The following UNC5D variants were observed in gnomAD, a reference collection of about 807,000 sequenced individuals.
UNC5D encodes the protein unc-5 netrin receptor D, also known as netrin receptor UNC5D.
A neutral mutation model predicts 105.4 loss-of-function variants in UNC5D; 39 were observed. The ratio of observed to expected loss-of-function variants is 0.37; its 90% CI spans 0.29 to 0.48. The LOEUF is 0.48. UNC5D is among the 20% of genes least tolerant of loss of function. UNC5D has a pLI of 0.98. For missense variants in UNC5D, 991 were observed against 1,202.4 expected, an observed-to-expected ratio of 0.82 and a Z score of 2.60; for synonymous variants, 452 against 450.4, an observed-to-expected ratio of 1.00 and a Z score of -0.04.
chr8:35,792,098 C>T lies in UNC5D; in HGVS notation c.*1535C>T, dbSNP rs1219310175. The T allele has an allele frequency of 1.3e-5, 2 of 152,016 alleles. No individual in the cohort carries two copies. The highest frequency in any genetic ancestry group is 6.8e-3 in the Middle Eastern group (2 of 294). The allele number at this position is 152,016 out of a possible 1,614,324, so 9.4% of individuals were successfully genotyped here. On this transcript the variant is annotated 3_prime_UTR_variant, in exon 17 of 17. Coordinates refer to ENST00000404895, the MANE Select transcript of UNC5D (RefSeq NM_080872.4). ...CAGCTACTTAGAGGTTGGTTACATTCGAATAAAAAGTAGTCAGGGAATGGG... is the reference window on the plus strand; with the variant it reads ...CAGCTACTTAGAGGTTGGTTACATTTGAATAAAAAGTAGTCAGGGAATGGG...
At chr8:35,244,069 C>T (rs960969324) in intron 1 of UNC5D, among the ~76,000 whole-genome samples, 1 of 152,124 alleles carries the variant, frequency 6.6e-6, no homozygotes, top group African/African-American at 2.4e-5. Flanking sequence ...TCCTATTATG[C>T]GTGGCTGTTT....
At chr8:35,320,596 G>T (rs1809665975) in intron 1 of UNC5D, among the ~76,000 whole-genome samples, 1 of 152,072 alleles carries the variant, frequency 6.6e-6, no homozygotes, top group South Asian at 2.1e-4. Context: ...ATTTCCTTCA[G>T]GGCCTGCTGT....
At chr8:35,678,839 C>A (rs550997632) in intron 4 of UNC5D, among the ~76,000 whole-genome samples, 1 of 151,670 alleles carries the variant, frequency 6.6e-6, no homozygotes, top group Admixed American at 6.6e-5. Flanking sequence ...TTTTCTCTTT[C>A]TTTCTCTCTT....
chr8:35,421,101 C>T (rs1805870583), intron 1 of UNC5D, among the ~76,000 whole-genome samples: 1 of 152,174 alleles, frequency 6.6e-6, no homozygotes, highest in Admixed American at 6.5e-5. Context: ...ACTACCTCTT[C>T]TGTGCCCATA....
At chr8:35,650,403 C>A (rs1042401945) in intron 4 of UNC5D, among the ~76,000 whole-genome samples, 5 of 152,278 alleles carry the variant, frequency 3.3e-5, no homozygotes, top group Middle Eastern at 3.4e-3. Flanking sequence ...TATTTTACTC[C>A]TCCTTAATGA....
intron 3 of UNC5D, among the ~76,000 whole-genome samples, chr8:35,572,593 TCAGATTGAGACTG>T (rs1285066010): frequency 6.6e-6 from 1 of 152,138 alleles, no homozygotes; most frequent in Non-Finnish European, 1.5e-5. Flanking sequence ...CCCCAGGCTT[TCAGATTGAGACTG>T]GAGAAAGGAC....
chr8:35,433,803 T>C (rs969073186), intron 1 of UNC5D, among the ~76,000 whole-genome samples: 1 of 149,334 alleles, frequency 6.7e-6, no homozygotes, highest in African/African-American at 2.5e-5. Flanking sequence ...GAGCCGAGAT[T>C]GCACCATTGC....
At chr8:35,781,349 A>T (rs1243465146) in intron 16 of UNC5D, among the ~76,000 whole-genome samples, 6 of 152,142 alleles carry the variant, frequency 3.9e-5, no homozygotes, top group African/African-American at 7.2e-5. Flanking sequence ...TAAGCTTTTT[A>T]TGTTCCTCCA....
chr8:35,383,314 T>TA lies in UNC5D; in HGVS notation c.103+147435dup, dbSNP rs907854813. ...CCCATCACAGACAAATATTCTAGTA[T>TA]AAAAAAAATCCTCATCAAGAGGAAA... On this transcript the variant is annotated intron_variant, in intron 1 of 16. Coordinates refer to ENST00000404895, the MANE Select transcript of UNC5D (RefSeq NM_080872.4). 4.6e-5 allele frequency among the ~76,000 whole-genome samples: 7 copies of TA among 151,954 alleles called. 1 individual carries two copies. Among genetic ancestry groups the TA allele is most frequent in the South Asian group, 4.2e-4 (2 of 4,808 alleles).
intron 4 of UNC5D, among the ~76,000 whole-genome samples, chr8:35,611,342 G>T (rs964370457): frequency 6.6e-6 from 1 of 152,092 alleles, no homozygotes; most frequent in East Asian, 1.9e-4. Context: ...AAAAAGCTTC[G>T]TGGCCCCATC....
chr8:35,441,927 A>G (rs568198385), intron 1 of UNC5D, among the ~76,000 whole-genome samples: 8 of 151,842 alleles, frequency 5.3e-5, no homozygotes, highest in Non-Finnish European at 1.0e-4. Context: ...GTGCCAATAG[A>G]ATTCTGATTC....
At chr8:35,749,188 G>C (rs1374440418) in intron 12 of UNC5D, among the ~76,000 whole-genome samples, 1 of 152,146 alleles carries the variant, frequency 6.6e-6, no homozygotes, top group Non-Finnish European at 1.5e-5. Flanking sequence ...AATGCATTGA[G>C]AATTATTATC....
intron 1 of UNC5D, among the ~76,000 whole-genome samples, chr8:35,517,240 TAG>T (rs1414813129): frequency 6.6e-6 from 1 of 152,148 alleles, no homozygotes; most frequent in African/African-American, 2.4e-5. Context: ...CTGGAATGTG[TAG>T]AGAGTACCTA....
At chr8:35,566,613 C>A (rs1168804456) in intron 2 of UNC5D, among the ~76,000 whole-genome samples, 1 of 152,158 alleles carries the variant, frequency 6.6e-6, no homozygotes, top group Admixed American at 6.5e-5. Context: ...CACACCAGAC[C>A]CTTCATTTAC....
chr8:35,323,806 A>G (rs1809935858), intron 1 of UNC5D, among the ~76,000 whole-genome samples: 1 of 152,104 alleles, frequency 6.6e-6, no homozygotes, highest in Non-Finnish European at 1.5e-5. Context: ...GAGTGATTAA[A>G]CTATTATAAT....
chr8:35,591,748 G>T (rs942416083), intron 3 of UNC5D, among the ~76,000 whole-genome samples: 11 of 152,076 alleles, frequency 7.2e-5, no homozygotes, highest in African/African-American at 2.7e-4. Flanking sequence ...TAGGCACTGG[G>T]AATAGAGGAG....
rs79344043 is a variant in UNC5D, at chr8:35,757,562, T to C, written c.2164-1758T>C. 2.1e-3 allele frequency among the ~76,000 whole-genome samples: 318 copies of C among 152,288 alleles called. 3 individuals are homozygous for C. The highest frequency in any genetic ancestry group is 7.2e-3 in the African/African-American group (300 of 41,572). ...GCACCTTCTGTCTTTCTTAACCTCC[T>C]AGGCATTCATGTATGGTAATAGATA... On this transcript the variant is annotated intron_variant, in intron 13 of 16. Transcript: ENST00000404895.
intron 4 of UNC5D, among the ~76,000 whole-genome samples, chr8:35,626,706 C>T (rs2978581): frequency 0.095 from 14,436 of 152,204 alleles, 707 homozygotes; most frequent in Non-Finnish European, 0.1. Flanking sequence ...TCCAGGCATC[C>T]GCGTGCTCTT....
At chr8:35,293,045 A>C in intron 1 of UNC5D, among the ~76,000 whole-genome samples, 1 of 152,098 alleles carries the variant, frequency 6.6e-6, no homozygotes, top group East Asian at 1.9e-4. Context: ...AGAAAATCAT[A>C]AGGAAAATAA....
Sources: allele counts gnomAD v4.1 joint callset (sites outside exome capture counted in the v4.1 genomes callset), GRCh38; gene constraint gnomAD v4.1.1; transcripts MANE v1.5; gene names NCBI Gene and HGNC (gene_info 2026-07-23, HGNC 2026-07-21).